The following STK39 variants were observed in gnomAD, a reference collection of about 807,000 sequenced individuals.
STK39 encodes serine/threonine kinase 39, also known as STE20/SPS1-related proline-alanine-rich protein kinase.
In STK39, 20 loss-of-function variants were observed where a neutral mutation model predicts 77.8. That is an observed-to-expected ratio of 0.26 (90% CI 0.18 to 0.37). The LOEUF (loss-of-function observed/expected upper bound fraction) is 0.37, where lower values mean the gene tolerates loss of function less well. Among genes scored for constraint, STK39 ranks in the 10% least tolerant of loss-of-function variants. The pLI is 1.00. For synonymous variants in STK39, 246 were observed against 234.1 expected (o/e 1.05, Z -0.47); for missense variants, 479 against 656.5 (o/e 0.73, Z 2.95).
At chr2:168,042,834 T>C (rs930162983) in intron 14 of STK39, among the ~76,000 whole-genome samples, 2 of 152,102 alleles carry the variant, frequency 1.3e-5, no homozygotes, top group African/African-American at 4.8e-5. Context: ...CATCTTGGCC[T>C]CCCAAAGTGC....
chr2:168,177,941 C>G (rs1688993622), intron 2 of STK39, among the ~76,000 whole-genome samples: 1 of 152,116 alleles, frequency 6.6e-6, no homozygotes, highest in Admixed American at 6.5e-5. Flanking sequence ...AGAAAAACAT[C>G]CCTTAGTTCA....
chr2:168,204,990 G>A (rs1019306530), intron 1 of STK39, among the ~76,000 whole-genome samples: 1 of 152,182 alleles, frequency 6.6e-6, no homozygotes, highest in Non-Finnish European at 1.5e-5. Flanking sequence ...ATAATACACT[G>A]CATTGAAATT....
At chr2:168,154,953 T>C (rs772101848) in intron 5 of STK39, among the ~76,000 whole-genome samples, 1 of 152,202 alleles carries the variant, frequency 6.6e-6, no homozygotes, top group Non-Finnish European at 1.5e-5. Context: ...CTTTCAAGTC[T>C]AAAAACTCTT....
chr2:168,168,449 A>C (rs1688741511), intron 2 of STK39, among the ~76,000 whole-genome samples: 1 of 151,974 alleles, frequency 6.6e-6, no homozygotes, highest in South Asian at 2.1e-4. Context: ...GATCAAAGAA[A>C]CCTCATTTTT....
rs568947618 is a variant in STK39 at position 168,003,076 on chromosome 2, T to C, written c.1498+9558A>G. ...TTGGCTCACTGCAACCTCCGCCTCCTGGGTTGAAACGATTCTCCTGCCTCA... is the reference window on the plus strand; with the variant it reads ...TTGGCTCACTGCAACCTCCGCCTCCCGGGTTGAAACGATTCTCCTGCCTCA... On this transcript the variant is annotated intron_variant, in intron 16 of 17. Transcript: ENST00000355999. Among the ~76,000 whole-genome samples, 127 of 152,320 alleles carry C rather than the reference T, an allele frequency of 8.3e-4. No individual in the cohort carries two copies. In the Middle Eastern group the frequency reaches 0.01, roughly 12 times the overall value.
intron 10 of STK39, among the ~76,000 whole-genome samples, chr2:168,095,269 C>T (rs1486036868): frequency 6.6e-6 from 1 of 152,202 alleles, no homozygotes; most frequent in African/African-American, 2.4e-5. Flanking sequence ...ACACTCTGGA[C>T]TCGATCCAGC....
intron 1 of STK39, among the ~76,000 whole-genome samples, chr2:168,239,578 CG>C (rs1433913642): frequency 6.6e-6 from 1 of 152,208 alleles, no homozygotes; most frequent in East Asian, 1.9e-4. Flanking sequence ...TCATTAACCA[CG>C]GGCAAGATCA....
rs1193662553 is a variant in STK39, at chr2:167,954,143, T to G, written c.*1353A>C. 15 of 152,632 alleles carry G rather than the reference T, an allele frequency of 9.8e-5. No individual in the cohort carries two copies. The highest frequency in any genetic ancestry group is 4.4e-5 in the Non-Finnish European group (3 of 68,038). 9.5% of individuals were successfully genotyped at this position (152,632 alleles called of 1,614,324 possible). On this transcript the variant is annotated 3_prime_UTR_variant, in exon 18 of 18. Coordinates refer to ENST00000355999, the MANE Select transcript of STK39 (RefSeq NM_013233.3). Reference sequence around the variant, plus strand: ...TGTATGCAAATGGCTCTAGAACACCTTAACAATTATGACAAGGCAATTATA... The same window carrying G: ...TGTATGCAAATGGCTCTAGAACACCGTAACAATTATGACAAGGCAATTATA...
intron 1 of STK39, 36 bp downstream of exon 1, chr2:168,247,192 G>A (rs1448774479): frequency 1.7e-6 from 2 of 1,151,174 alleles, no homozygotes; most frequent in Non-Finnish European, 1.1e-6. Context: ...CTCGGCGCCC[G>A]GCCTGTGCCG....
chr2:168,102,720 G>A (rs1686863878), intron 10 of STK39, among the ~76,000 whole-genome samples: 2 of 152,044 alleles, frequency 1.3e-5, no homozygotes, highest in African/African-American at 4.8e-5. Flanking sequence ...ATGAGGTAAG[G>A]AGATTGAGAC....
At chr2:168,033,790 C>T (rs1360498190) in intron 14 of STK39, among the ~76,000 whole-genome samples, 1 of 152,100 alleles carries the variant, frequency 6.6e-6, no homozygotes, top group African/African-American at 2.4e-5. Context: ...AGTTTAAATA[C>T]GGATTGTAAC....
intron 12 of STK39, among the ~76,000 whole-genome samples, 180 bp downstream of exon 12, chr2:168,074,802 T>C (rs899804156): frequency 6.6e-6 from 1 of 152,190 alleles, no homozygotes; most frequent in Admixed American, 6.5e-5. Flanking sequence ...CAAAGTAATT[T>C]GCCCCGATTT....
chr2:168,075,308 A>AG (rs1286708621), intron 10 of STK39, 77 bp from the exon 11 acceptor site: 5 of 1,586,518 alleles, frequency 3.2e-6, no homozygotes, highest in African/African-American at 1.3e-5. Flanking sequence ...CTTGGGTTAT[A>AG]CGGCATACAC....
At chr2:168,052,385 TAAA>T (rs1162394195) in intron 14 of STK39, among the ~76,000 whole-genome samples, 1 of 152,144 alleles carries the variant, frequency 6.6e-6, no homozygotes, top group Non-Finnish European at 1.5e-5. Context: ...GTAGGTACCT[TAAA>T]AAGTCCATTT....
At chr2:168,239,124 T>C (rs146781711) in intron 1 of STK39, among the ~76,000 whole-genome samples, 5 of 152,330 alleles carry the variant, frequency 3.3e-5, no homozygotes, top group Non-Finnish European at 7.4e-5. Flanking sequence ...GAAAGCCACT[T>C]GTTCTGCAAT....
chr2:168,164,131 C>T (rs1688641754), intron 3 of STK39, among the ~76,000 whole-genome samples: 1 of 152,168 alleles, frequency 6.6e-6, no homozygotes, highest in South Asian at 2.1e-4. Flanking sequence ...CTGTTCATGG[C>T]CGTTCCATGG....
At chr2:168,120,878 A>G (rs1217061867) in intron 10 of STK39, among the ~76,000 whole-genome samples, 1 of 151,718 alleles carries the variant, frequency 6.6e-6, no homozygotes, top group Non-Finnish European at 1.5e-5. Context: ...TAATCTCCAA[A>G]GCCTTTTTGT....
intron 1 of STK39, among the ~76,000 whole-genome samples, chr2:168,211,909 C>A (rs1269276716): frequency 6.6e-6 from 1 of 152,206 alleles, no homozygotes; most frequent in Non-Finnish European, 1.5e-5. Flanking sequence ...GTGTGCATAC[C>A]AGCTGCTGGG....
At chr2:168,102,773 C>CA (rs1003419864) in intron 10 of STK39, among the ~76,000 whole-genome samples, 5 of 151,350 alleles carry the variant, frequency 3.3e-5, no homozygotes, top group South Asian at 4.2e-4. Context: ...ACTAAAAATA[C>CA]AAAAAAAATT....
Sources: allele counts gnomAD v4.1 joint callset (sites outside exome capture counted in the v4.1 genomes callset), GRCh38; gene constraint gnomAD v4.1.1; transcripts MANE v1.5; gene names NCBI Gene and HGNC (gene_info 2026-07-23, HGNC 2026-07-21).